The following BPNT2 variants were observed in gnomAD, a reference collection of about 807,000 sequenced individuals.
BPNT2 encodes 3'(2'), 5'-bisphosphate nucleotidase 2, also known as Golgi-resident adenosine 3',5'-bisphosphate 3'-phosphatase.
A neutral mutation model predicts 29.3 loss-of-function variants in BPNT2; 11 were observed. The ratio of observed to expected loss-of-function variants is 0.38; its 90% CI spans 0.24 to 0.62. The LOEUF (loss-of-function observed/expected upper bound fraction) is 0.62, where lower values mean the gene tolerates loss of function less well. Ranked by LOEUF, BPNT2 falls within the 20% of genes least tolerant of loss-of-function variation. The pLI is 0.62. For synonymous variants in BPNT2, 195 were observed against 187.7 expected (o/e 1.04, Z -0.32); for missense variants, 459 against 473.4 (o/e 0.97, Z 0.28).
chr8:56,967,553 C>G (rs1268216897), intron 3 of BPNT2, among the ~76,000 whole-genome samples: 2 of 152,102 alleles, frequency 1.3e-5, no homozygotes, highest in Non-Finnish European at 2.9e-5. Context: ...CAGATAACAG[C>G]AGCCAGGATT....
intron 2 of BPNT2, 105 bp from the exon 3 acceptor site, chr8:56,978,250 A>T: frequency 1.3e-6 from 1 of 795,876 alleles, no homozygotes; most frequent in Non-Finnish European, 2.2e-6. Flanking sequence ...ATATACATGA[A>T]ATATCTTTCC....
At chr8:56,986,491 G>A (rs929816110) in intron 1 of BPNT2, among the ~76,000 whole-genome samples, 2 of 152,134 alleles carry the variant, frequency 1.3e-5, no homozygotes, top group African/African-American at 4.8e-5. Flanking sequence ...ACCAAGTCAG[G>A]GGTCAGGAAT....
At chr8:56,974,479 A>G (rs960056929) in intron 3 of BPNT2, among the ~76,000 whole-genome samples, 1 of 152,214 alleles carries the variant, frequency 6.6e-6, no homozygotes, top group Non-Finnish European at 1.5e-5. Context: ...ACTATAGTGA[A>G]GTGTAGCTAA....
At chr8:56,986,851 T>C (rs972052759) in intron 1 of BPNT2, among the ~76,000 whole-genome samples, 1 of 152,226 alleles carries the variant, frequency 6.6e-6, no homozygotes, top group African/African-American at 2.4e-5. Context: ...ATGGTGCATA[T>C]CATTCTTGCA....
chr8:56,981,030 G>A (rs1021565894), intron 1 of BPNT2, among the ~76,000 whole-genome samples: 6 of 151,836 alleles, frequency 4.0e-5, no homozygotes, highest in Non-Finnish European at 5.9e-5. Flanking sequence ...TGACAATTTG[G>A]ACTGTATAAT....
intron 3 of BPNT2, among the ~76,000 whole-genome samples, chr8:56,977,177 G>A (rs566633511): frequency 6.6e-6 from 1 of 152,048 alleles, no homozygotes; most frequent in Admixed American, 6.6e-5. Context: ...GTCCCCAAAC[G>A]TTTCAGATAA....
At chr8:56,971,782 A>AACCCCCC (rs1806037005) in intron 3 of BPNT2, among the ~76,000 whole-genome samples, 1 of 104,174 alleles carries the variant, frequency 9.6e-6, no homozygotes, top group Non-Finnish European at 2.0e-5. Context: ...ATTTTGTACC[A>AACCCCCC]CCCCCCCCCC....
chr8:56,970,634 A>G (rs1283923081), intron 3 of BPNT2, among the ~76,000 whole-genome samples: 1 of 152,216 alleles, frequency 6.6e-6, no homozygotes, highest in Non-Finnish European at 1.5e-5. Flanking sequence ...ATATTTGATG[A>G]CATTAGGAAA....
chr8:56,966,800 G>A (rs919610830), intron 3 of BPNT2, among the ~76,000 whole-genome samples: 1 of 152,136 alleles, frequency 6.6e-6, no homozygotes, highest in African/African-American at 2.4e-5. Flanking sequence ...ATAAGCACAA[G>A]TAACTTCCCT....
rs768963800 is a variant in BPNT2, at chr8:56,961,144, G to T, written c.*2649C>A. On this transcript the variant is annotated 3_prime_UTR_variant, in exon 5 of 5. Coordinates refer to ENST00000262644, the MANE Select transcript of BPNT2 (RefSeq NM_017813.5). ...CCTCTACTAAATGTGGTGCATAAAAGTCATATTTTAAGAAAAATTGCCTCA... is the reference window on the plus strand; with the variant it reads ...CCTCTACTAAATGTGGTGCATAAAATTCATATTTTAAGAAAAATTGCCTCA... 5 of 152,166 alleles carry T rather than the reference G, an allele frequency of 3.3e-5. No homozygotes were observed. The highest frequency in any genetic ancestry group is 1.3e-4 in the Admixed American group (2 of 15,274). 9.4% of individuals were successfully genotyped at this position (152,166 alleles called of 1,614,324 possible).
rs1805890924 is a variant in BPNT2 at position 56,963,906 on chromosome 8, T to C, written c.967A>G (p.Ile323Val). 8 of 1,614,040 alleles carry C rather than the reference T, an allele frequency of 5.0e-6. No individual in the cohort carries two copies. The South Asian group carries it at 6.6e-5, about 13-fold the overall frequency. ...ATGCCGTCTGAACCAGTGTAACTGA[T>C]TTCTTCACCACTCAGGGTAGTCATA... is the stretch of plus-strand genomic sequence containing the variant. The part of the protein sequence containing the change: ...GHMTTLSGEE[I>V]SYTGSDGIEG... Residue 323 changes from isoleucine (I) to valine (V), a missense_variant, in exon 5 of 5, where the codon ATC becomes GTC. Ile to Val is a conservative substitution (Grantham distance 29, BLOSUM62 3). Transcript: ENST00000262644.
chr8:56,961,833 T>G lies in BPNT2; in HGVS notation c.*1960A>C, dbSNP rs886063011. 1.3e-5 allele frequency: 2 copies of G among 152,136 alleles called. No individual in the cohort carries two copies. Among genetic ancestry groups the G allele is most frequent in the East Asian group, 3.9e-4 (2 of 5,184 alleles). The allele number at this position is 152,136 out of a possible 1,614,324, so 9.4% of individuals were successfully genotyped here. On this transcript the variant is annotated 3_prime_UTR_variant, in exon 5 of 5. Coordinates refer to ENST00000262644, the MANE Select transcript of BPNT2 (RefSeq NM_017813.5). Reference sequence around the variant, plus strand: ...CCAGCCTGGCCAACGAGAGTGAAACTCTGTCTCGAAAAAATAAAATAATTC... The same window carrying G: ...CCAGCCTGGCCAACGAGAGTGAAACGCTGTCTCGAAAAAATAAAATAATTC...
chr8:56,982,510 C>T (rs111670805), intron 1 of BPNT2, among the ~76,000 whole-genome samples: 2,077 of 152,206 alleles, frequency 0.014, 42 homozygotes, highest in African/African-American at 0.046. Flanking sequence ...TTATTGATTG[C>T]CTACTATATG....
At chr8:56,983,989 GATGA>G (rs1344338577) in intron 1 of BPNT2, among the ~76,000 whole-genome samples, 1 of 151,846 alleles carries the variant, frequency 6.6e-6, no homozygotes, top group Non-Finnish European at 1.5e-5. Context: ...GACTACCTCA[GATGA>G]ATGAAGATAA....
At chr8:56,971,055 T>A (rs1187102249) in intron 3 of BPNT2, among the ~76,000 whole-genome samples, 2 of 152,146 alleles carry the variant, frequency 1.3e-5, no homozygotes, top group African/African-American at 4.8e-5. Flanking sequence ...ACTACCAGAA[T>A]AATGTAAGAA....
In BPNT2 at chr8:56,977,959, G is replaced by A. The variant is rs939130250; in HGVS notation, c.646+91C>T. The A allele has an allele frequency of 2.8e-5, 24 of 845,474 alleles. No individual in the cohort carries two copies. The Admixed American group carries it at 3.4e-4, about 12-fold the overall frequency. 52.4% of individuals were successfully genotyped at this position (845,474 alleles called of 1,614,324 possible). A position where few individuals can be genotyped will look rare whatever the true frequency, so the allele number is the denominator to read the frequency against. On this transcript the variant is annotated intron_variant, in intron 3 of 4. Transcript: ENST00000262644. The stretch of plus-strand genomic sequence containing the variant: ...CAGCAGCCCTAGGAAACTAATATAG[G>A]AGTGGATACAAATTTAGGTACATGA...
intron 3 of BPNT2, among the ~76,000 whole-genome samples, chr8:56,967,744 G>A (rs1805974676): frequency 6.6e-6 from 1 of 152,134 alleles, no homozygotes; most frequent in Non-Finnish European, 1.5e-5. Flanking sequence ...GGATTTGGAA[G>A]GTAGCAACTA....
At chr8:56,971,046 C>G (rs1456857660) in intron 3 of BPNT2, among the ~76,000 whole-genome samples, 2 of 151,996 alleles carry the variant, frequency 1.3e-5, no homozygotes, top group Non-Finnish European at 2.9e-5. Flanking sequence ...TCAGTACATA[C>G]TACCAGAATA....
chr8:56,992,514 G>A (rs1330647720), intron 1 of BPNT2, among the ~76,000 whole-genome samples: 1 of 152,080 alleles, frequency 6.6e-6, no homozygotes, highest in Admixed American at 6.5e-5. Context: ...CCTACCCAAA[G>A]AAAAGCCAAA....
Sources: allele counts gnomAD v4.1 joint callset (sites outside exome capture counted in the v4.1 genomes callset), GRCh38; gene constraint gnomAD v4.1.1; transcripts MANE v1.5; gene names NCBI Gene and HGNC (gene_info 2026-07-23, HGNC 2026-07-21).